FHIT: variants seen among roughly 807,000 people sequenced by gnomAD.
FHIT encodes fragile histidine triad diadenosine triphosphatase.
In FHIT, 19 loss-of-function variants were observed where a neutral mutation model predicts 17.9. The ratio of observed to expected loss-of-function variants is 1.06; its 90% CI spans 0.74 to 1.56. The LOEUF (loss-of-function observed/expected upper bound fraction) is 1.56, where lower values mean the gene tolerates loss of function less well. Among genes scored for constraint, FHIT ranks in the 40% most tolerant of loss-of-function variants. The pLI is 0.00. For missense variants in FHIT, 248 were observed against 189.2 expected (o/e 1.31, Z -1.82); for synonymous variants, 81 against 69.7 (o/e 1.16, Z -0.81).
intron 5 of FHIT, among the ~76,000 whole-genome samples, chr3:60,334,267 T>A (rs1319809189): frequency 6.6e-6 from 1 of 152,200 alleles, no homozygotes; most frequent in Admixed American, 6.5e-5. Flanking sequence ...ACTTCTAGCA[T>A]CCATCTGCCT....
rs563094027 is a variant in FHIT, at chr3:60,770,170, G to T, written c.-18+51749C>A. Among the ~76,000 whole-genome samples, 3 of 152,266 alleles carry T rather than the reference G, an allele frequency of 2.0e-5. No individual in the cohort carries two copies. In the East Asian group the frequency reaches 5.8e-4, roughly 29 times the overall value. ...GCAACCCCAAATGAGCAGAAGCATT[G>T]AGGGTTTCCTGGATAGAATTACTGA... On this transcript the variant is annotated intron_variant, in intron 4 of 9. Transcript: ENST00000492590.
intron 3 of FHIT, among the ~76,000 whole-genome samples, chr3:60,842,573 T>C (rs1553745308): frequency 6.9e-6 from 1 of 145,394 alleles, no homozygotes; most frequent in East Asian, 2.0e-4. Context: ...CTTAAGCTTA[T>C]TAAAGAACCT....
chr3:60,533,519 A>G (rs1325123831), intron 5 of FHIT, among the ~76,000 whole-genome samples: 2 of 152,252 alleles, frequency 1.3e-5, no homozygotes, highest in Non-Finnish European at 2.9e-5. Context: ...CCTGGAACAG[A>G]GTATGAGCTC....
At chr3:60,013,938 G>A (rs949798228) in intron 6 of FHIT, 69 bp downstream of exon 6, 2 of 1,492,110 alleles carry the variant, frequency 1.3e-6, no homozygotes, top group Admixed American at 1.7e-5. Flanking sequence ...TAAGATATCA[G>A]GAGGAGCAAG....
chr3:60,062,807 CAT>C (rs1264516130), intron 5 of FHIT, among the ~76,000 whole-genome samples: 4 of 151,992 alleles, frequency 2.6e-5, no homozygotes, highest in East Asian at 3.9e-4. Context: ...TTCAGGAAAA[CAT>C]ATAGAATTTG....
At chr3:60,107,136 T>C (rs1436467106) in intron 5 of FHIT, among the ~76,000 whole-genome samples, 1 of 147,750 alleles carries the variant, frequency 6.8e-6, no homozygotes, top group African/African-American at 2.5e-5. Context: ...TTTTAACCTT[T>C]AAAAGCTTTA....
chr3:60,948,730 T>A (rs1708743935), intron 3 of FHIT, among the ~76,000 whole-genome samples: 1 of 152,058 alleles, frequency 6.6e-6, no homozygotes, highest in Non-Finnish European at 1.5e-5. Context: ...GCTATAACAA[T>A]AACCAAAATT....
chr3:60,109,272 C>G (rs927535681), intron 5 of FHIT, among the ~76,000 whole-genome samples: 5 of 152,184 alleles, frequency 3.3e-5, no homozygotes, highest in African/African-American at 9.6e-5. Context: ...GAAATATTAG[C>G]TCTTCAGTTA....
chr3:59,914,588 G>A (rs1045938037), intron 8 of FHIT, among the ~76,000 whole-genome samples: 2 of 152,094 alleles, frequency 1.3e-5, no homozygotes, highest in Non-Finnish European at 2.9e-5. Context: ...ATTTACAAAT[G>A]CTTTGGGACT....
At chr3:60,848,152 T>C (rs1702997718) in intron 3 of FHIT, among the ~76,000 whole-genome samples, 1 of 152,178 alleles carries the variant, frequency 6.6e-6, no homozygotes, top group Admixed American at 6.5e-5. Flanking sequence ...CTTCCTTTAT[T>C]GAAATCTGCT....
intron 4 of FHIT, among the ~76,000 whole-genome samples, chr3:60,772,578 A>C (rs2108077220): frequency 6.6e-6 from 1 of 152,198 alleles, no homozygotes; most frequent in Non-Finnish European, 1.5e-5. Flanking sequence ...TTTGGGAGAC[A>C]TTTACTTTAC....
chr3:59,973,995 A>AC (rs1553638513), intron 7 of FHIT, among the ~76,000 whole-genome samples: 6 of 151,506 alleles, frequency 4.0e-5, no homozygotes, highest in South Asian at 2.1e-4. Flanking sequence ...GAAAAAAAAA[A>AC]CCCACAAAAC....
At chr3:60,145,356 C>T (rs1156765835) in intron 5 of FHIT, among the ~76,000 whole-genome samples, 1 of 152,140 alleles carries the variant, frequency 6.6e-6, no homozygotes, top group African/African-American at 2.4e-5. Context: ...TGGGCTTGTA[C>T]ATTATTCTAC....
At chr3:60,043,004 T>C (rs1472161261) in intron 5 of FHIT, among the ~76,000 whole-genome samples, 1 of 152,176 alleles carries the variant, frequency 6.6e-6, no homozygotes, top group African/African-American at 2.4e-5. Flanking sequence ...GAAAAAAACA[T>C]GGAGCCTCTA....
At chr3:60,951,328 T>C (rs1471228861) in intron 3 of FHIT, among the ~76,000 whole-genome samples, 2 of 152,216 alleles carry the variant, frequency 1.3e-5, no homozygotes, top group Non-Finnish European at 2.9e-5. Context: ...ATTAATATTT[T>C]CATTCCCTTC....
chr3:60,205,458 C>A lies in FHIT; in HGVS notation c.104-191306G>T, dbSNP rs918185387. 2.6e-5 allele frequency among the ~76,000 whole-genome samples: 4 copies of A among 152,268 alleles called. No homozygotes were observed. The East Asian group carries it at 7.7e-4, about 29-fold the overall frequency. ...ATAAGATAATAACTTTTATCTAACACTGGGGTGGAAAGATAAAGGTTGTTC... is the reference window on the plus strand; with the variant it reads ...ATAAGATAATAACTTTTATCTAACAATGGGGTGGAAAGATAAAGGTTGTTC... On this transcript the variant is annotated intron_variant, in intron 5 of 9. Coordinates refer to ENST00000492590, the MANE Select transcript of FHIT (RefSeq NM_002012.4).
At chr3:60,918,201 C>G (rs143624869) in intron 3 of FHIT, among the ~76,000 whole-genome samples, 1 of 152,298 alleles carries the variant, frequency 6.6e-6, no homozygotes, top group Non-Finnish European at 1.5e-5. Context: ...TGAGGCTTCC[C>G]CAGCCAGGTG....
chr3:60,588,047 C>T (rs576134310), intron 4 of FHIT, among the ~76,000 whole-genome samples: 1 of 151,914 alleles, frequency 6.6e-6, no homozygotes, highest in Non-Finnish European at 1.5e-5. Context: ...CAAAGGTCAG[C>T]TGTCCATAAC....
intron 5 of FHIT, among the ~76,000 whole-genome samples, chr3:60,212,842 G>A (rs1703520745): frequency 6.6e-6 from 1 of 152,164 alleles, no homozygotes; most frequent in Non-Finnish European, 1.5e-5. Flanking sequence ...GAGCAATCCT[G>A]GGCGCTAATG....
Sources: allele counts gnomAD v4.1 joint callset (sites outside exome capture counted in the v4.1 genomes callset), GRCh38; gene constraint gnomAD v4.1.1; transcripts MANE v1.5; gene names NCBI Gene and HGNC (gene_info 2026-07-23, HGNC 2026-07-21).